HECW1: variants seen among roughly 807,000 people sequenced by gnomAD.
HECW1 encodes the protein HECT, C2 and WW domain containing E3 ubiquitin protein ligase 1, also known as E3 ubiquitin-protein ligase HECW1.
Under a neutral mutation model 182.3 loss-of-function variants are expected in HECW1, and 61 were observed. That is an observed-to-expected ratio of 0.33 (90% CI 0.27 to 0.41). The LOEUF (loss-of-function observed/expected upper bound fraction) is 0.41. HECW1 is among the 10% of genes least tolerant of loss of function. The pLI, the probability that HECW1 is intolerant of heterozygous loss-of-function variation, is 1.00. For synonymous variants in HECW1, 859 were observed against 832.6 expected (o/e 1.03, Z -0.55); for missense variants, 1,739 against 2,108.9 (o/e 0.82, Z 3.44).
rs1308652013 is a variant in HECW1, at chr7:43,560,953, C to G, written c.4710-862C>G. On this transcript the variant is annotated intron_variant, in intron 29 of 29. Transcript: ENST00000395891. ...TTCACCTGCACCCATCCACCTTTCT[C>G]TCTACTACGGTACAGGACTCGGCAT... Among the ~76,000 whole-genome samples the G allele has an allele frequency of 3.3e-5, 5 of 152,200 alleles. 1 individual carries two copies. The highest frequency in any genetic ancestry group is 3.3e-4 in the Admixed American group (5 of 15,278).
intron 6 of HECW1, among the ~76,000 whole-genome samples, chr7:43,390,137 T>C (rs989333717): frequency 2.0e-5 from 3 of 152,090 alleles, no homozygotes; most frequent in Non-Finnish European, 2.9e-5. Context: ...TTCCTCGTAG[T>C]GATTAGCATA....
At chr7:43,274,536 C>T in intron 3 of HECW1, 1 of 571,486 alleles carries the variant, frequency 1.7e-6, no homozygotes, top group East Asian at 3.9e-5. Context: ...CCAACAAGTG[C>T]CGCCGGGCCA....
chr7:43,430,764 C>T (rs988278381), intron 8 of HECW1, among the ~76,000 whole-genome samples: 11 of 51,944 alleles, frequency 2.1e-4, no homozygotes, highest in African/African-American at 7.6e-4. Flanking sequence ...ACTGTGGCCT[C>T]CATTTTTATT....
At chr7:43,545,443 AT>A (rs2081520324) in intron 26 of HECW1, among the ~76,000 whole-genome samples, 1 of 152,220 alleles carries the variant, frequency 6.6e-6, no homozygotes, top group South Asian at 2.1e-4. Context: ...AAAAATAAGA[AT>A]GTGTTGTAGA....
intron 27 of HECW1, among the ~76,000 whole-genome samples, chr7:43,551,965 C>T (rs2081846815): frequency 8.6e-6 from 1 of 115,896 alleles, no homozygotes; most frequent in Non-Finnish European, 2.1e-5. Context: ...GCTCTCATAT[C>T]TAAGCACCCC....
intron 3 of HECW1, among the ~76,000 whole-genome samples, chr7:43,247,939 G>T (rs1439532610): frequency 7.5e-6 from 1 of 133,832 alleles, no homozygotes; most frequent in African/African-American, 3.1e-5. Context: ...AAAAAAGAGA[G>T]AGAAAAAAGG....
At chr7:43,169,539 C>T (rs560527226) in intron 2 of HECW1, among the ~76,000 whole-genome samples, 3 of 152,192 alleles carry the variant, frequency 2.0e-5, no homozygotes, top group African/African-American at 7.2e-5. Flanking sequence ...CATCCCAACT[C>T]AGCCCAATTT....
At chr7:43,344,417 G>T (rs1041876693) in intron 5 of HECW1, among the ~76,000 whole-genome samples, 4 of 151,704 alleles carry the variant, frequency 2.6e-5, no homozygotes, top group South Asian at 2.1e-4. Context: ...GTCTTCCATT[G>T]TTTCTGTTTG....
chr7:43,410,926 A>C (rs1043694644), intron 8 of HECW1, among the ~76,000 whole-genome samples: 4 of 151,786 alleles, frequency 2.6e-5, no homozygotes, highest in Non-Finnish European at 4.4e-5. Flanking sequence ...GGGTTTATTA[A>C]ATTTGTTTAT....
At chr7:43,359,308 T>TATC (rs1257019848) in intron 5 of HECW1, among the ~76,000 whole-genome samples, 17 of 152,306 alleles carry the variant, frequency 1.1e-4, no homozygotes, top group Admixed American at 2.6e-4. Context: ...AGCTGGACAT[T>TATC]ATCAATCAAA....
chr7:43,207,219 G>A (rs1025218128), intron 2 of HECW1, among the ~76,000 whole-genome samples: 1 of 151,954 alleles, frequency 6.6e-6, no homozygotes, highest in Admixed American at 6.6e-5. Flanking sequence ...GCTAATTTTT[G>A]TATTTTTAGT....
intron 3 of HECW1, chr7:43,274,644 G>GGAGAGAGAGA: frequency 3.2e-6 from 1 of 313,588 alleles, no homozygotes. Context: ...GGGGAGGGAG[G>GGAGAGAGAGA]GAGAGAGAGA....
rs73328051 is a variant in HECW1 at position 43,398,389 on chromosome 7, G to A, written c.631+1500G>A. Among the ~76,000 whole-genome samples the A allele has an allele frequency of 9.9e-3, 1,507 of 152,234 alleles. 25 individuals carry two copies. Among genetic ancestry groups the A allele is most frequent in the African/African-American group, 0.033 (1,390 of 41,532 alleles). On this transcript the variant is annotated intron_variant, in intron 7 of 29. Transcript: ENST00000395891. The stretch of plus-strand genomic sequence containing the variant: ...TAAACAGTCTTTAAGGGGACACAGC[G>A]GCATAAAGCCTGAGGACTCTGTTGA...
intron 5 of HECW1, among the ~76,000 whole-genome samples, chr7:43,340,284 A>G (rs568738688): frequency 7.2e-6 from 1 of 139,006 alleles, no homozygotes; most frequent in Non-Finnish European, 1.5e-5. Context: ...ACAGCAGAGC[A>G]GTCTCAGCTC....
In HECW1 at chr7:43,444,828, C is replaced by A; in HGVS notation, c.1656C>A (p.Asp552Glu). The change falls in exon 11 of 30, where the codon GAC becomes GAA. Residue 552 changes from aspartate (D) to glutamate (E), a missense_variant. Physicochemically the swap from Asp to Glu is conservative, Grantham distance 45. Coordinates refer to ENST00000395891, the MANE Select transcript of HECW1 (RefSeq NM_015052.5). The surrounding 1 kb of genome is among the most constrained non-coding windows in gnomAD (Gnocchi z 4.3). ...CGGTGATCGCGTCAGCCTGCGGGGACCCCGAGACCCCGCGGACACACTACA... is the reference window on the plus strand; with the variant it reads ...CGGTGATCGCGTCAGCCTGCGGGGAACCCGAGACCCCGCGGACACACTACA... ...LETVIASACG[D>E]PETPRTHYIR... 5 of 1,613,908 alleles carry A rather than the reference C, an allele frequency of 3.1e-6. No individual in the cohort carries two copies. Among genetic ancestry groups the A allele is most frequent in the Non-Finnish European group, 3.4e-6 (4 of 1,179,998 alleles).
At chr7:43,425,735 C>A (rs1242742846) in intron 8 of HECW1, among the ~76,000 whole-genome samples, 2 of 152,128 alleles carry the variant, frequency 1.3e-5, no homozygotes, top group African/African-American at 4.8e-5. Flanking sequence ...CAAAGTCATC[C>A]TTTTTATCAT....
chr7:43,398,596 T>A (rs1489438009), intron 7 of HECW1, among the ~76,000 whole-genome samples: 1 of 151,938 alleles, frequency 6.6e-6, no homozygotes, highest in African/African-American at 2.4e-5. Context: ...AGTGTTAGCA[T>A]GTGTATATCT....
intron 17 of HECW1, among the ~76,000 whole-genome samples, chr7:43,481,892 G>A (rs922766781): frequency 1.4e-4 from 14 of 97,040 alleles, no homozygotes; most frequent in African/African-American, 4.2e-4. Context: ...AGGCTGAGGC[G>A]TGAACCCGGG....
chr7:43,458,452 T>C (rs1377793885), intron 13 of HECW1, among the ~76,000 whole-genome samples: 1 of 152,176 alleles, frequency 6.6e-6, no homozygotes, highest in African/African-American at 2.4e-5. Flanking sequence ...TTTATAGCCT[T>C]TGATATACAA....
Sources: gnomAD v4.1 joint callset for allele counts (sites outside exome capture counted in the v4.1 genomes callset) on GRCh38, gnomAD v4.1.1 for gene constraint, Gnocchi (gnomAD v3.1) non-coding constraint, MANE v1.5 for transcripts, NCBI Gene and HGNC (gene_info 2026-07-23, HGNC 2026-07-21) for gene names.